ITGAM: variants seen among roughly 807,000 people sequenced by gnomAD.
ITGAM encodes the protein integrin alpha-M.
Under a neutral mutation model 137.5 loss-of-function variants are expected in ITGAM, and 79 were observed. The observed-to-expected ratio is 0.57, with a 90% CI of 0.48 to 0.69. The LOEUF is 0.69. Ranked by LOEUF, ITGAM falls within the 30% of genes least tolerant of loss-of-function variation. The pLI is 0.00. For synonymous variants in ITGAM, 583 were observed against 592.3 expected (o/e 0.98, Z 0.23); for missense variants, 1,343 against 1,483.5 (o/e 0.91, Z 1.56).
intron 23 of ITGAM, among the ~76,000 whole-genome samples, chr16:31,328,513 CTATG>C (rs1352762216): frequency 6.7e-6 from 1 of 149,198 alleles, no homozygotes; most frequent in Non-Finnish European, 1.5e-5. Flanking sequence ...TGAGTGTGAT[CTATG>C]TGTGTGTGCG....
chr16:31,268,818 C>T (rs943302251), intron 5 of ITGAM, among the ~76,000 whole-genome samples: 1 of 152,124 alleles, frequency 6.6e-6, no homozygotes, highest in African/African-American at 2.4e-5. Flanking sequence ...TGGATTCTGC[C>T]AGAATCCTTT....
chr16:31,301,840 A>G (rs2080200158), intron 14 of ITGAM, among the ~76,000 whole-genome samples: 2 of 152,202 alleles, frequency 1.3e-5, no homozygotes, highest in African/African-American at 2.4e-5. Context: ...TATCACCCAT[A>G]TCATGGCTTC....
At chr16:31,325,139 C>T in intron 19 of ITGAM, 108 bp downstream of exon 19, 2 of 1,460,768 alleles carry the variant, frequency 1.4e-6, no homozygotes, top group East Asian at 2.3e-5. Flanking sequence ...GCTATAAGGT[C>T]CGGTGTGGCT....
At chr16:31,310,422 C>T (rs1030792226) in intron 14 of ITGAM, among the ~76,000 whole-genome samples, 2 of 152,172 alleles carry the variant, frequency 1.3e-5, no homozygotes, top group African/African-American at 4.8e-5. Flanking sequence ...CTAAACTTCT[C>T]TTCACGCTTC....
chr16:31,318,714 T>C (rs1236454214), intron 14 of ITGAM, among the ~76,000 whole-genome samples: 1 of 152,198 alleles, frequency 6.6e-6, no homozygotes, highest in Non-Finnish European at 1.5e-5. Flanking sequence ...CTCTATTTGA[T>C]TTATTTTTCT....
Position 31,328,665 on chromosome 16 carries a change from G to C in ITGAM, c.2792+435G>C, listed in dbSNP as rs373726265. Among the ~76,000 whole-genome samples the C allele has an allele frequency of 1.3e-3, 202 of 149,706 alleles. 1 individual carries two copies. Among genetic ancestry groups the C allele is most frequent in the African/African-American group, 4.9e-3 (197 of 40,484 alleles). Reference sequence around the variant, plus strand: ...CATATGTGTGTGTCTGAGGATATATGTGCATTGTGTGCATGGGTGTGTATT... The same window carrying C: ...CATATGTGTGTGTCTGAGGATATATCTGCATTGTGTGCATGGGTGTGTATT... On this transcript the variant is annotated intron_variant, in intron 23 of 29. Coordinates refer to ENST00000544665, the MANE Select transcript of ITGAM (RefSeq NM_000632.4).
At chr16:31,300,187 A>G (rs2080183835) in intron 14 of ITGAM, among the ~76,000 whole-genome samples, 1 of 152,204 alleles carries the variant, frequency 6.6e-6, no homozygotes, top group South Asian at 2.1e-4. Flanking sequence ...ATCTGTTGAT[A>G]GGCATTTAGG....
At chr16:31,290,080 C>CAA (rs780127045) in intron 12 of ITGAM, among the ~76,000 whole-genome samples, 980 of 56,026 alleles carry the variant, frequency 0.017, 14 homozygotes, top group African/African-American at 0.045. Flanking sequence ...AAACTCCATC[C>CAA]AAAAAAAAAA....
chr16:31,270,699 G>GTGTATATATATATATATATA (rs1477833816), intron 5 of ITGAM, among the ~76,000 whole-genome samples: 4 of 25,998 alleles, frequency 1.5e-4, no homozygotes, highest in Admixed American at 7.1e-4. Context: ...GTGTGTGTGT[G>GTGTATATATATATATATATA]TATATATATA....
Position 31,273,368 on chromosome 16 carries a change from A to T in ITGAM, c.708A>T (p.Arg236=). The change falls in exon 8 of 30, where the codon CGA becomes CGT. Residue 236 remains arginine, a synonymous_variant. Coordinates refer to ENST00000544665, the MANE Select transcript of ITGAM (RefSeq NM_000632.4). The stretch of plus-strand genomic sequence containing the variant: ...GTCCCTCCTGTTTCCTGCACAGACG[A>T]GAGCTGTTTAACATCACCAACGGAG... The part of the protein sequence containing the change: ...HTATGIRKVV[R]ELFNITNGAR... The T allele has an allele frequency of 1.9e-6, 3 of 1,613,524 alleles. No homozygotes were observed.
At chr16:31,329,736 C>A in intron 24 of ITGAM, 62 bp from the exon 25 acceptor site, 1 of 1,423,206 alleles carries the variant, frequency 7.0e-7, no homozygotes, top group Non-Finnish European at 9.7e-7. Flanking sequence ...GGAGGGGAGG[C>A]TGATTCTCCA....
chr16:31,326,350 T>G (rs2080508210), intron 21 of ITGAM, among the ~76,000 whole-genome samples: 1 of 152,218 alleles, frequency 6.6e-6, no homozygotes, highest in Admixed American at 6.5e-5. Context: ...AAGCAAGGAC[T>G]TAGCAAGGAT....
At chr16:31,320,925 G>A (rs539218579) in intron 14 of ITGAM, among the ~76,000 whole-genome samples, 25 of 152,268 alleles carry the variant, frequency 1.6e-4, no homozygotes, top group Non-Finnish European at 3.4e-4. Flanking sequence ...TATAATCCTA[G>A]CACTTGAGAG....
chr16:31,273,312 A>G (rs79113559), intron 7 of ITGAM, 53 bp from the exon 8 acceptor site: 3 of 1,505,434 alleles, frequency 2.0e-6, no homozygotes, highest in Admixed American at 2.1e-5. Context: ...AAAAAAAAAA[A>G]CTAGTGTGTC....
rs186990024 is a variant in ITGAM at position 31,317,949 on chromosome 16, C to G, written c.1708-3292C>G. On this transcript the variant is annotated intron_variant, in intron 14 of 29. Coordinates refer to ENST00000544665, the MANE Select transcript of ITGAM (RefSeq NM_000632.4). ...CATACAATAAGTTTGGAAGTATTCC[C>G]TCCTCTTCAGTTTTTTGGATGAGTT... 3.1e-3 allele frequency among the ~76,000 whole-genome samples: 475 copies of G among 152,238 alleles called. 2 individuals are homozygous for G. Among genetic ancestry groups the G allele is most frequent in the African/African-American group, 0.011 (449 of 41,530 alleles).
At chr16:31,265,165 G>T (rs1596967767) in intron 2 of ITGAM, among the ~76,000 whole-genome samples, 1 of 152,140 alleles carries the variant, frequency 6.6e-6, no homozygotes, top group East Asian at 1.9e-4. Context: ...ACCGCGCCTG[G>T]TCCTATTTTT....
At position 31,325,640 on chromosome 16, in the gene ITGAM, CT is replaced by C; in HGVS notation, c.2628+19del. 6.2e-7 allele frequency: 1 copy of C among 1,605,880 alleles called. No individual in the cohort carries two copies. Among genetic ancestry groups the C allele is most frequent in the African/African-American group, 1.3e-5 (1 of 74,516 alleles). On this transcript the variant is annotated intron_variant, in intron 21 of 29. Coordinates refer to ENST00000544665, the MANE Select transcript of ITGAM (RefSeq NM_000632.4). Reference sequence around the variant, plus strand: ...ACTCAGAGGTCAGAACTCCTGGCTCCTCCCCTCCTTTTCTCTTTGATTTCTT... The same window carrying C: ...ACTCAGAGGTCAGAACTCCTGGCTCCCCCCTCCTTTTCTCTTTGATTTCTT...
intron 14 of ITGAM, among the ~76,000 whole-genome samples, chr16:31,320,077 G>A (rs2080433298): frequency 6.6e-6 from 1 of 152,128 alleles, no homozygotes; most frequent in Admixed American, 6.5e-5. Flanking sequence ...CTCCCAAAGT[G>A]CTGGGATTAC....
chr16:31,324,759 G>A lies in ITGAM; in HGVS notation c.2266G>A (p.Ala756Thr). ...CCTCCGGCCAGTGCTGGCGGAGGAT[G>A]CTCAGAGACTCTTCACAGCCTTGGT... ...GNLRPVLAED[A>T]QRLFTALFPF... The change falls in exon 18 of 30, where the codon GCT (alanine) becomes ACT (threonine). Residue 756 changes from alanine (A) to threonine (T), a missense_variant. By Grantham distance (58) the Ala-to-Thr change is moderately conservative (BLOSUM62 0). Coordinates refer to ENST00000544665, the MANE Select transcript of ITGAM (RefSeq NM_000632.4). The surrounding 1 kb of genome is among the most constrained non-coding windows in gnomAD (Gnocchi z 4.5). 1 of 1,572,906 alleles carries A rather than the reference G, an allele frequency of 6.4e-7. No homozygotes were observed. Among genetic ancestry groups the A allele is most frequent in the East Asian group, 2.2e-5 (1 of 44,684 alleles).
Sources: gnomAD v4.1 joint callset for allele counts (sites outside exome capture counted in the v4.1 genomes callset) on GRCh38, gnomAD v4.1.1 for gene constraint, Gnocchi (gnomAD v3.1) non-coding constraint, MANE v1.5 for transcripts, NCBI Gene and HGNC (gene_info 2026-07-23, HGNC 2026-07-21) for gene names.